The following ELP2 variants were observed in gnomAD, a reference collection of about 807,000 sequenced individuals.
ELP2 encodes elongator complex protein 2.
Under a neutral mutation model 119.2 loss-of-function variants are expected in ELP2, and 90 were observed. The observed-to-expected ratio is 0.75, with a 90% confidence interval of 0.64 to 0.90. The LOEUF (loss-of-function observed/expected upper bound fraction) is 0.90. Ranked by LOEUF, ELP2 falls within the 40% of genes least tolerant of loss-of-function variation. The pLI, the probability that ELP2 is intolerant of heterozygous loss-of-function variation, is 0.00. For synonymous variants in ELP2, 339 were observed against 331.0 expected (o/e 1.02, Z -0.26); for missense variants, 921 against 967.8 (o/e 0.95, Z 0.64).
chr18:36,166,348 C>T (rs8098449), intron 18 of ELP2, among the ~76,000 whole-genome samples: 546 of 90,624 alleles, frequency 6.0e-3, no homozygotes, highest in Non-Finnish European at 7.4e-3. Context: ...TTTTTTTTTT[C>T]AGACGGAGTT....
At chr18:36,172,457 A>AGAT (rs2091110424) in intron 21 of ELP2, among the ~76,000 whole-genome samples, 1 of 152,198 alleles carries the variant, frequency 6.6e-6, no homozygotes, top group African/African-American at 2.4e-5. Context: ...TTCATCCAGC[A>AGAT]GATCTTGTCT....
intron 3 of ELP2, among the ~76,000 whole-genome samples, chr18:36,136,955 A>G (rs2089847524): frequency 6.6e-6 from 1 of 152,210 alleles, no homozygotes; most frequent in Non-Finnish European, 1.5e-5. Context: ...ATAACTGCTT[A>G]AAGATGTGAA....
chr18:36,163,147 G>A (rs72888742), intron 17 of ELP2, among the ~76,000 whole-genome samples: 61,801 of 151,762 alleles, frequency 0.41, 14,075 homozygotes, highest in South Asian at 0.68. Flanking sequence ...TGTAAGCAAA[G>A]ATGTCTGGTT....
chr18:36,155,907 G>A (rs2090557996), intron 12 of ELP2, among the ~76,000 whole-genome samples: 1 of 152,224 alleles, frequency 6.6e-6, no homozygotes, highest in Non-Finnish European at 1.5e-5. Context: ...AAAACAAAAT[G>A]TAAAAGATAG....
chr18:36,151,789 C>T (rs1208278137), intron 11 of ELP2, among the ~76,000 whole-genome samples: 1 of 144,626 alleles, frequency 6.9e-6, no homozygotes, highest in Non-Finnish European at 1.5e-5. Context: ...GCTCTTGTTG[C>T]CCAGGCTGGA....
intron 20 of ELP2, among the ~76,000 whole-genome samples, chr18:36,170,415 G>A (rs899108038): frequency 6.6e-6 from 1 of 151,634 alleles, no homozygotes; most frequent in African/African-American, 2.4e-5. Flanking sequence ...GAGTTTAAGC[G>A]ATTCTCCTGC....
At chr18:36,158,316 C>G (rs1280750133) in intron 13 of ELP2, among the ~76,000 whole-genome samples, 2 of 152,076 alleles carry the variant, frequency 1.3e-5, no homozygotes, top group Non-Finnish European at 2.9e-5. Context: ...CAGATATTGC[C>G]TTTTCAAATG....
At chr18:36,149,307 G>T (rs536264283) in intron 11 of ELP2, among the ~76,000 whole-genome samples, 1 of 152,094 alleles carries the variant, frequency 6.6e-6, no homozygotes, top group Non-Finnish European at 1.5e-5. Flanking sequence ...GACAGGATAA[G>T]GTTAGGTAGG....
chr18:36,147,804 A>G (rs1426542449), intron 11 of ELP2, among the ~76,000 whole-genome samples: 1 of 152,184 alleles, frequency 6.6e-6, no homozygotes, highest in African/African-American at 2.4e-5. Context: ...ACTGGATGCT[A>G]TGTAAGTGTA....
Position 36,161,024 on chromosome 18 carries a change from A to G in ELP2, c.1761+20A>G. 9 of 1,596,220 alleles carry G rather than the reference A, an allele frequency of 5.6e-6. No individual in the cohort carries two copies. Among genetic ancestry groups the G allele is most frequent in the Non-Finnish European group, 7.7e-6 (9 of 1,163,864 alleles). On this transcript the variant is annotated intron_variant, in intron 17 of 21. Coordinates refer to ENST00000358232, the MANE Select transcript of ELP2 (RefSeq NM_018255.4). The stretch of plus-strand genomic sequence containing the variant: ...TGTAAGGTAGGGAAGTTTACTTTTG[A>G]TTCTGCTTGGTCACAGGTTATTTGG...
At chr18:36,153,129 A>G (rs1173110517) in intron 11 of ELP2, among the ~76,000 whole-genome samples, 5 of 152,236 alleles carry the variant, frequency 3.3e-5, no homozygotes, top group African/African-American at 1.2e-4. Context: ...TAGCCATTAT[A>G]GATAACAGTG....
intron 2 of ELP2, 137 bp from the exon 3 acceptor site, chr18:36,136,170 C>A: frequency 1.5e-6 from 1 of 672,972 alleles, no homozygotes; most frequent in Admixed American, 2.5e-5. Context: ...AGATATTAAG[C>A]AAATATGGCA....
In ELP2 at chr18:36,133,243, GGTT is replaced by G. The variant is rs747548674; in HGVS notation, c.151_153del (p.Val51del). On this transcript the variant is annotated inframe_deletion, in exon 2 of 22. Coordinates refer to ENST00000358232, the MANE Select transcript of ELP2 (RefSeq NM_018255.4). ...CTGTATTTTCTTCTCTAAAGAAAAG[GGTT>G]GTTGTTACCAACTTGAATGGTCACA... 2.8e-5 allele frequency: 45 copies of G among 1,611,178 alleles called. No individual in the cohort carries two copies. In the African/African-American group the frequency reaches 5.1e-4, roughly 18 times the overall value.
chr18:36,134,868 A>T (rs1206343150), intron 2 of ELP2, among the ~76,000 whole-genome samples: 1 of 152,124 alleles, frequency 6.6e-6, no homozygotes, highest in Non-Finnish European at 1.5e-5. Context: ...AATTAGTTTT[A>T]TTTTTCATTA....
intron 13 of ELP2, chr18:36,158,585 T>G (rs1487696842): frequency 2.4e-6 from 1 of 408,696 alleles, no homozygotes. Context: ...GATGCCCGAC[T>G]TTATGGATTG....
At chr18:36,162,404 C>A (rs747506277) in intron 17 of ELP2, among the ~76,000 whole-genome samples, 20 of 152,220 alleles carry the variant, frequency 1.3e-4, no homozygotes, top group African/African-American at 4.1e-4. Flanking sequence ...GTAGTTCATG[C>A]CTTCTTAATG....
At chr18:36,154,755 A>G in intron 11 of ELP2, 95 bp from the exon 12 acceptor site, 1 of 1,391,452 alleles carries the variant, frequency 7.2e-7, no homozygotes, top group Middle Eastern at 1.9e-4. Flanking sequence ...ACCTTGCCAG[A>G]GGGCTTTAGT....
Position 36,160,952 on chromosome 18 carries a change from T to C in ELP2, c.1709T>C (p.Ile570Thr). 1 of 1,613,368 alleles carries C rather than the reference T, an allele frequency of 6.2e-7. No individual in the cohort carries two copies. Among genetic ancestry groups the C allele is most frequent in the South Asian group, 1.1e-5 (1 of 91,056 alleles). ...TTTAGATATGGGCACGGTTATGAAA[T>C]ATTTTGTGTTACTTGTAACAGTTCA... ...VQKLYGHGYE[I>T]FCVTCNSSKT... The change falls in exon 17 of 22, where the codon ATA becomes ACA. Residue 570 changes from isoleucine (I) to threonine (T), a missense_variant. Ile to Thr is a moderately conservative substitution (Grantham distance 89). Transcript: ENST00000358232.
intron 21 of ELP2, among the ~76,000 whole-genome samples, chr18:36,172,784 G>A (rs749288882): frequency 6.6e-6 from 1 of 152,204 alleles, no homozygotes; most frequent in Non-Finnish European, 1.5e-5. Flanking sequence ...GAAAGTGCAG[G>A]AAGGGAACAC....
Sources: allele counts gnomAD v4.1 joint callset (sites outside exome capture counted in the v4.1 genomes callset), GRCh38; gene constraint gnomAD v4.1.1; transcripts MANE v1.5; gene names NCBI Gene and HGNC (gene_info 2026-07-23, HGNC 2026-07-21).